ZCCHC7: variants seen among roughly 807,000 people sequenced by gnomAD.
The protein encoded by ZCCHC7 is zinc finger CCHC-type containing 7.
Under a neutral mutation model 52.0 loss-of-function variants are expected in ZCCHC7, and 35 were observed. The ratio of observed to expected loss-of-function variants is 0.67; its 90% CI spans 0.51 to 0.89. The LOEUF is 0.89. Ranked by LOEUF, ZCCHC7 falls within the 40% of genes least tolerant of loss-of-function variation. The pLI is 0.00. For synonymous variants in ZCCHC7, 217 were observed against 221.5 expected, an observed-to-expected ratio of 0.98 and a Z score of 0.18; for missense variants, 574 against 649.1, an observed-to-expected ratio of 0.88 and a Z score of 1.26.
chr9:37,126,216 A>G (rs755957887), intron 1 of ZCCHC7, 96 bp from the exon 2 acceptor site: 89 of 1,177,188 alleles, frequency 7.6e-5, no homozygotes, highest in Non-Finnish European at 1.0e-4. Flanking sequence ...GATGGCCTTC[A>G]TATTAGCAGT....
chr9:37,224,359 T>A (rs1230918484), intron 2 of ZCCHC7, among the ~76,000 whole-genome samples: 1 of 152,176 alleles, frequency 6.6e-6, no homozygotes, highest in African/African-American at 2.4e-5. Flanking sequence ...TTTCTTCCCC[T>A]AAGATTCAGG....
intron 6 of ZCCHC7, among the ~76,000 whole-genome samples, chr9:37,337,105 C>T (rs564893581): frequency 1.2e-4 from 19 of 152,152 alleles, no homozygotes; most frequent in African/African-American, 3.9e-4. Flanking sequence ...TGCCGATAAG[C>T]GGATCTATTT....
chr9:37,316,934 C>CA (rs199514836), intron 5 of ZCCHC7, among the ~76,000 whole-genome samples: 96 of 142,482 alleles, frequency 6.7e-4, no homozygotes, highest in African/African-American at 2.0e-3. Flanking sequence ...ATTGGTAGAT[C>CA]AAAAAAAATA....
intron 3 of ZCCHC7, among the ~76,000 whole-genome samples, chr9:37,303,302 G>C (rs1232218491): frequency 6.6e-6 from 1 of 151,952 alleles, no homozygotes; most frequent in Non-Finnish European, 1.5e-5. Flanking sequence ...GCGGGCGCCT[G>C]TAGTCCCAGC....
At chr9:37,304,718 G>C (rs768996654) in intron 4 of ZCCHC7, among the ~76,000 whole-genome samples, 1 of 151,760 alleles carries the variant, frequency 6.6e-6, no homozygotes, top group Non-Finnish European at 1.5e-5. Context: ...TCTTTTTATA[G>C]TATGTGTGTT....
intron 2 of ZCCHC7, among the ~76,000 whole-genome samples, chr9:37,282,301 A>G (rs889281634): frequency 2.0e-4 from 30 of 152,092 alleles, no homozygotes; most frequent in African/African-American, 7.2e-4. Context: ...TTTCACCATG[A>G]TTTTTTAAAA....
intron 2 of ZCCHC7, among the ~76,000 whole-genome samples, chr9:37,198,576 T>A (rs917617773): frequency 6.6e-6 from 1 of 152,202 alleles, no homozygotes; most frequent in African/African-American, 2.4e-5. Flanking sequence ...ATCTAGAGTC[T>A]ATGAGGAATT....
chr9:37,338,277 A>G (rs1830769611), intron 6 of ZCCHC7, among the ~76,000 whole-genome samples: 1 of 152,126 alleles, frequency 6.6e-6, no homozygotes, highest in African/African-American at 2.4e-5. Flanking sequence ...TTTCAGATAT[A>G]TTTTAGATTT....
At chr9:37,193,709 T>A (rs750731464) in intron 2 of ZCCHC7, among the ~76,000 whole-genome samples, 1 of 152,194 alleles carries the variant, frequency 6.6e-6, no homozygotes, top group Non-Finnish European at 1.5e-5. Context: ...TACCAATTAA[T>A]GCAGTTTATA....
intron 2 of ZCCHC7, among the ~76,000 whole-genome samples, chr9:37,186,262 A>G (rs1822648823): frequency 6.6e-6 from 1 of 152,184 alleles, no homozygotes; most frequent in Non-Finnish European, 1.5e-5. Flanking sequence ...TAGCATGTAA[A>G]TAAATCTTGA....
At chr9:37,338,406 A>ATG (rs1200410586) in intron 6 of ZCCHC7, among the ~76,000 whole-genome samples, 1 of 152,200 alleles carries the variant, frequency 6.6e-6, no homozygotes, top group Non-Finnish European at 1.5e-5. Context: ...AGATACAATG[A>ATG]TGTAATCCCT....
At chr9:37,335,514 T>C (rs1281350751) in intron 6 of ZCCHC7, among the ~76,000 whole-genome samples, 3 of 152,170 alleles carry the variant, frequency 2.0e-5, no homozygotes, top group Non-Finnish European at 4.4e-5. Context: ...TACGATGAGA[T>C]GATAAATATA....
chr9:37,236,720 G>T (rs1486498610), intron 2 of ZCCHC7, among the ~76,000 whole-genome samples: 1 of 152,132 alleles, frequency 6.6e-6, no homozygotes, highest in South Asian at 2.1e-4. Flanking sequence ...TAATTCCTAT[G>T]CATAGCATAC....
chr9:37,146,467 T>C (rs946797259), intron 2 of ZCCHC7, among the ~76,000 whole-genome samples: 1 of 151,992 alleles, frequency 6.6e-6, no homozygotes, highest in South Asian at 2.1e-4. Flanking sequence ...CTTGGCCATA[T>C]GGTAAATTAG....
chr9:37,290,846 T>C (rs1432855309), intron 2 of ZCCHC7, among the ~76,000 whole-genome samples: 2 of 152,216 alleles, frequency 1.3e-5, no homozygotes, highest in African/African-American at 4.8e-5. Context: ...AAAACTATAC[T>C]GTTTCATCAT....
At chr9:37,273,932 C>CT (rs1827557011) in intron 2 of ZCCHC7, among the ~76,000 whole-genome samples, 1 of 152,004 alleles carries the variant, frequency 6.6e-6, no homozygotes, top group African/African-American at 2.4e-5. Context: ...GTGGCTTGTC[C>CT]TTTAAGTTTT....
At chr9:37,172,587 T>C (rs552518072) in intron 2 of ZCCHC7, among the ~76,000 whole-genome samples, 34 of 152,384 alleles carry the variant, frequency 2.2e-4, no homozygotes, top group African/African-American at 7.7e-4. Context: ...GTATTTTAAT[T>C]TGAGCAACAG....
intron 2 of ZCCHC7, among the ~76,000 whole-genome samples, chr9:37,212,618 A>G (rs1353036915): frequency 1.3e-5 from 2 of 152,178 alleles, no homozygotes; most frequent in Non-Finnish European, 2.9e-5. Flanking sequence ...AGGCTCTGGT[A>G]TCAGCTTAAG....
chr9:37,318,942 C>CA lies in ZCCHC7; in HGVS notation c.952-8839dup, dbSNP rs34576609. On this transcript the variant is annotated intron_variant, in intron 5 of 8. Coordinates refer to ENST00000336755, the MANE Select transcript of ZCCHC7 (RefSeq NM_032226.3). ...TGGGCAACAGAGTGAGACTCTGTCTCAAAAAAAAAAAAAAAAAAGAGTAAA... is the reference window on the plus strand; with the variant it reads ...TGGGCAACAGAGTGAGACTCTGTCTCAAAAAAAAAAAAAAAAAAAGAGTAAA... 2.3e-3 allele frequency among the ~76,000 whole-genome samples: 250 copies of CA among 106,904 alleles called. 1 individual carries two copies. Among genetic ancestry groups the CA allele is most frequent in the South Asian group, 0.02 (67 of 3,398 alleles). 70.1% of individuals were successfully genotyped at this position (106,904 alleles called of 152,430 possible).
Sources: gnomAD v4.1 joint callset for allele counts (sites outside exome capture counted in the v4.1 genomes callset) on GRCh38, gnomAD v4.1.1 for gene constraint, MANE v1.5 for transcripts, NCBI Gene and HGNC (gene_info 2026-07-23, HGNC 2026-07-21) for gene names.